Variants in BCAS3 observed in about 807,000 individuals in gnomAD.
The protein encoded by BCAS3 is BCAS3 microtubule associated cell migration factor.
A neutral mutation model predicts 116.1 loss-of-function variants in BCAS3; 53 were observed. The observed-to-expected ratio is 0.46, with a 90% CI of 0.37 to 0.57. The LOEUF (loss-of-function observed/expected upper bound fraction) is 0.57. BCAS3 is among the 20% of genes least tolerant of loss of function. The pLI is 0.00. For synonymous variants in BCAS3, 391 were observed against 408.2 expected (o/e 0.96, Z 0.51); for missense variants, 917 against 1,165.4 (o/e 0.79, Z 3.10).
rs113698835 is a variant in BCAS3, at chr17:61,368,029, GC to G, written c.2426-296del. The G allele has an allele frequency of 0.024, 6,310 of 265,990 alleles. 353 individuals are homozygous for G. Among genetic ancestry groups the G allele is most frequent in the African/African-American group, 0.12 (5,545 of 45,628 alleles). The allele number at this position is 265,990 out of a possible 1,614,324, so 16.5% of individuals were successfully genotyped here. A position where few individuals can be genotyped will look rare whatever the true frequency, so the allele number is the denominator to read the frequency against. The stretch of plus-strand genomic sequence containing the variant: ...TTGGGTTGAACCTGGGAAGGGGGTT[GC>G]CTTCCCCGTCCCACTTCTTAAGGTG... On this transcript the variant is annotated intron_variant, in intron 22 of 23. Transcript: ENST00000407086. The surrounding 1 kb of genome is among the most constrained non-coding windows in gnomAD (Gnocchi z 6.0).
At chr17:60,822,614 T>G (rs949294944) in intron 7 of BCAS3, among the ~76,000 whole-genome samples, 1 of 152,244 alleles carries the variant, frequency 6.6e-6, no homozygotes, top group East Asian at 1.9e-4. Context: ...GAGACACTAT[T>G]GCCAGTTTAG....
In BCAS3 at chr17:61,347,373, C is replaced by T. The variant is rs2057565390; in HGVS notation, c.2426-20954C>T. Among the ~76,000 whole-genome samples, 1 of 152,200 alleles carries T rather than the reference C, an allele frequency of 6.6e-6. No homozygotes were observed. The highest frequency in any genetic ancestry group is 1.5e-5 in the Non-Finnish European group (1 of 68,032). Reference sequence around the variant, plus strand: ...CTGGGATTATAGGCATGAGCCACCGCACCCGGCCAGAATCACTCTTCAGAT... The same window carrying T: ...CTGGGATTATAGGCATGAGCCACCGTACCCGGCCAGAATCACTCTTCAGAT... On this transcript the variant is annotated intron_variant, in intron 22 of 23. Transcript: ENST00000407086. The surrounding 1 kb of genome is among the most constrained non-coding windows in gnomAD (Gnocchi z 4.3).
chr17:61,253,633 G>A (rs1361167478), intron 22 of BCAS3, among the ~76,000 whole-genome samples: 1 of 151,514 alleles, frequency 6.6e-6, no homozygotes, highest in Non-Finnish European at 1.5e-5. Context: ...TTGGAGGAGG[G>A]GCAGCTGAGT....
chr17:60,835,337 C>T (rs909251385), intron 7 of BCAS3, among the ~76,000 whole-genome samples: 1 of 151,950 alleles, frequency 6.6e-6, no homozygotes, highest in African/African-American at 2.4e-5. Context: ...TTATCTACTA[C>T]ATGAATACCG....
At chr17:60,849,945 A>G (rs1231092186) in intron 7 of BCAS3, among the ~76,000 whole-genome samples, 4 of 151,912 alleles carry the variant, frequency 2.6e-5, no homozygotes, top group African/African-American at 7.3e-5. Context: ...TTTTGTAGAG[A>G]TAGGGTCTTG....
rs974382138 is a variant in BCAS3, at chr17:61,213,666, T to C, written c.2425+129102T>C. 6.6e-6 allele frequency among the ~76,000 whole-genome samples: 1 copy of C among 152,148 alleles called. No individual in the cohort carries two copies. Among genetic ancestry groups the C allele is most frequent in the African/African-American group, 2.4e-5 (1 of 41,430 alleles). ...TCTTTAATGGTCTTATATTTGCATG[T>C]TTTTTTAAGTAGTGAAAGAAGGTTG... On this transcript the variant is annotated intron_variant, in intron 22 of 23. Transcript: ENST00000407086. This position sits in a 1 kb window ranked among gnomAD's most constrained non-coding sequence, Gnocchi z 5.4.
At chr17:60,845,184 G>A (rs532639860) in intron 7 of BCAS3, among the ~76,000 whole-genome samples, 1 of 152,158 alleles carries the variant, frequency 6.6e-6, no homozygotes, top group African/African-American at 2.4e-5. Context: ...AGCCAAGATT[G>A]CGCCATTGCA....
Position 61,392,058 on chromosome 17 carries a change from G to A in BCAS3, c.2675G>A (p.Gly892Asp). The part of the protein sequence containing the change: ...TSGSIPRNFD[G>D]YRSPLPTNES... ...GGCAGCATACCAAGAAACTTTGATG[G>A]CTACCGATCTCCGCTGCCCACCAAT... is the stretch of plus-strand genomic sequence containing the variant. Residue 892 changes from glycine to aspartate, a missense_variant, in exon 24 of 24, where the codon GGC becomes GAC. By Grantham distance (94) the Gly-to-Asp change is moderately conservative. Around this residue, in one of 3 missense-constraint regions of BCAS3, gnomAD observed 109 missense variants for 122.8 expected, o/e 0.89. Coordinates refer to ENST00000407086, the MANE Select transcript of BCAS3 (RefSeq NM_017679.5). This position sits in a 1 kb window ranked among gnomAD's most constrained non-coding sequence, Gnocchi z 6.4. The A allele has an allele frequency of 6.2e-7, 1 of 1,613,802 alleles. No homozygotes were observed. The highest frequency in any genetic ancestry group is 8.5e-7 in the Non-Finnish European group (1 of 1,180,008).
At chr17:60,750,685 A>G (rs930421447) in intron 6 of BCAS3, among the ~76,000 whole-genome samples, 2 of 152,222 alleles carry the variant, frequency 1.3e-5, no homozygotes, top group Non-Finnish European at 2.9e-5. Flanking sequence ...CCAGCATCAC[A>G]TTCTGCCATC....
chr17:61,293,048 A>G (rs1441920351), intron 22 of BCAS3, among the ~76,000 whole-genome samples: 1 of 152,200 alleles, frequency 6.6e-6, no homozygotes, highest in Non-Finnish European at 1.5e-5. Context: ...AATTTTTGGT[A>G]AAGTTTTCTC....
intron 21 of BCAS3, among the ~76,000 whole-genome samples, chr17:61,081,404 T>G (rs529181946): frequency 1.3e-4 from 20 of 152,346 alleles, no homozygotes; most frequent in Non-Finnish European, 2.4e-4. Context: ...TATAGCTACT[T>G]TTCAGAATCC....
intron 22 of BCAS3, among the ~76,000 whole-genome samples, chr17:61,295,832 G>A (rs994668574): frequency 2.6e-5 from 4 of 151,572 alleles, no homozygotes; most frequent in Admixed American, 2.6e-4. Context: ...ATGCACATCT[G>A]TAATCCCAGC....
chr17:61,223,005 T>C (rs2082190751), intron 22 of BCAS3, among the ~76,000 whole-genome samples: 1 of 152,200 alleles, frequency 6.6e-6, no homozygotes, highest in Non-Finnish European at 1.5e-5. Flanking sequence ...GTCCGGTTGT[T>C]CCCAAAATCA....
intron 22 of BCAS3, among the ~76,000 whole-genome samples, chr17:61,218,302 G>A (rs930799975): frequency 6.6e-6 from 1 of 152,236 alleles, no homozygotes; most frequent in African/African-American, 2.4e-5. Flanking sequence ...CCGAAAGACT[G>A]AAGACCGAAT....
At chr17:61,035,872 A>G (rs1331420951) in intron 17 of BCAS3, among the ~76,000 whole-genome samples, 4 of 152,166 alleles carry the variant, frequency 2.6e-5, no homozygotes, top group Non-Finnish European at 4.4e-5. Context: ...GGCAGGACAG[A>G]TGGGACAACG....
chr17:61,343,540 T>C lies in BCAS3; in HGVS notation c.2426-24787T>C, dbSNP rs1430182001. ...GTCTGGAGTGGGCCTTGTAGCTCCA[T>C]GCATTTGAAAAACTCACTTGATGTG... On this transcript the variant is annotated intron_variant, in intron 22 of 23. Transcript: ENST00000407086. The surrounding 1 kb of genome is among the most constrained non-coding windows in gnomAD (Gnocchi z 5.5). 6.6e-6 allele frequency among the ~76,000 whole-genome samples: 1 copy of C among 152,228 alleles called. No individual in the cohort carries two copies. The highest frequency in any genetic ancestry group is 1.5e-5 in the Non-Finnish European group (1 of 68,036).
At chr17:61,254,526 C>T (rs2048617550) in intron 22 of BCAS3, among the ~76,000 whole-genome samples, 1 of 151,784 alleles carries the variant, frequency 6.6e-6, no homozygotes, top group African/African-American at 2.4e-5. Context: ...CGCCTGTAAT[C>T]CTGGCACTTT....
intron 14 of BCAS3, among the ~76,000 whole-genome samples, chr17:60,981,980 G>A (rs2062842972): frequency 6.6e-6 from 1 of 151,876 alleles, no homozygotes; most frequent in African/African-American, 2.4e-5. Flanking sequence ...TTTCAAATTG[G>A]TATTTTAAAT....
Position 61,203,168 on chromosome 17 carries a change from C to G in BCAS3, c.2425+118604C>G, listed in dbSNP as rs1349405765. On this transcript the variant is annotated intron_variant, in intron 22 of 23. Transcript: ENST00000407086. This position sits in a 1 kb window ranked among gnomAD's most constrained non-coding sequence, Gnocchi z 5.7. Reference sequence around the variant, plus strand: ...ATTTCAAGACTTCTCTTTTATTCTTCTTTTTTTCGAGACAGTTTCACTCTT... The same window carrying G: ...ATTTCAAGACTTCTCTTTTATTCTTGTTTTTTTCGAGACAGTTTCACTCTT... 6.6e-6 allele frequency among the ~76,000 whole-genome samples: 1 copy of G among 151,996 alleles called. No individual in the cohort carries two copies. Among genetic ancestry groups the G allele is most frequent in the African/African-American group, 2.4e-5 (1 of 41,384 alleles).
Sources: allele counts gnomAD v4.1 joint callset (sites outside exome capture counted in the v4.1 genomes callset), GRCh38; gene constraint gnomAD v4.1.1; regional missense constraint gnomAD v4.1.1; non-coding constraint Gnocchi (gnomAD v3.1); transcripts MANE v1.5; gene names NCBI Gene and HGNC (gene_info 2026-07-23, HGNC 2026-07-21).